The following LARGE1 variants were observed in gnomAD, a reference collection of about 807,000 sequenced individuals.
The protein encoded by LARGE1 is LARGE xylosyl- and glucuronyltransferase 1.
LARGE1 carries 43 observed loss-of-function variants against 87.6 expected under a neutral mutation model. That is an observed-to-expected ratio of 0.49 (90% CI 0.38 to 0.63). LARGE1 has a LOEUF of 0.63. LARGE1 is among the 30% of genes least tolerant of loss of function. The pLI is 0.00. For synonymous variants in LARGE1, 434 were observed against 394.6 expected (o/e 1.10, Z -1.18); for missense variants, 802 against 1,000.2 (o/e 0.80, Z 2.67).
At chr22:33,102,335 A>AT in the LARGE1 span, among the ~76,000 whole-genome samples, 978 of 142,332 alleles carry the variant, frequency 6.9e-3, 6 homozygotes, top group African/African-American at 0.023. Context: ...TGCCCAGCTA[A>AT]TTTTTTTTTG....
chr22:33,226,711 A>G (rs1329503119), intron 11 of LARGE1, among the ~76,000 whole-genome samples: 1 of 145,606 alleles, frequency 6.9e-6, no homozygotes, highest in Non-Finnish European at 1.5e-5. Flanking sequence ...CCTTTAAATT[A>G]TTATTATTAT....
At chr22:33,338,407 C>T (rs4560231) in intron 9 of LARGE1, among the ~76,000 whole-genome samples, 19,931 of 151,980 alleles carry the variant, frequency 0.13, 2,699 homozygotes, top group African/African-American at 0.35. Context: ...CCTCTGGAAT[C>T]GGTTGGTGAT....
intron 6 of LARGE1, among the ~76,000 whole-genome samples, chr22:33,527,528 G>A (rs2071974384): frequency 1.3e-5 from 2 of 152,100 alleles, no homozygotes; most frequent in Admixed American, 1.3e-4. Flanking sequence ...TCAGTTCAGA[G>A]GCTCTCTCAA....
chr22:33,267,043 C>G (rs12159268), intron 11 of LARGE1, among the ~76,000 whole-genome samples: 1,872 of 151,632 alleles, frequency 0.012, 106 homozygotes, highest in African/African-American at 0.043. Context: ...AGTTCGAGAC[C>G]AGCCTGGCCA....
chr22:33,388,974 C>T (rs926754528), intron 7 of LARGE1, among the ~76,000 whole-genome samples: 2 of 152,186 alleles, frequency 1.3e-5, no homozygotes, highest in African/African-American at 4.8e-5. Context: ...AAGACACGTA[C>T]ATCATTAGGA....
At chr22:33,899,861 T>C (rs1264727895) in intron 1 of LARGE1, among the ~76,000 whole-genome samples, 1 of 152,230 alleles carries the variant, frequency 6.6e-6, no homozygotes, top group African/African-American at 2.4e-5. Flanking sequence ...CAGATGTATA[T>C]ATTCAGACAG....
At chr22:33,085,026 A>G in the LARGE1 span, among the ~76,000 whole-genome samples, 1 of 152,396 alleles carries the variant, frequency 6.6e-6, no homozygotes, top group East Asian at 1.9e-4. Context: ...CTGTAATCCC[A>G]GCACTTTGGG....
intron 1 of LARGE1, among the ~76,000 whole-genome samples, chr22:33,805,713 G>A (rs940150792): frequency 8.6e-5 from 13 of 151,702 alleles, no homozygotes; most frequent in Middle Eastern, 3.4e-3. Flanking sequence ...CAGCCTGGGC[G>A]ACAGAGCAAG....
chr22:33,581,034 G>A (rs988396192), intron 5 of LARGE1, among the ~76,000 whole-genome samples: 6 of 152,168 alleles, frequency 3.9e-5, no homozygotes, highest in Admixed American at 3.3e-4. Flanking sequence ...TGCATGTGCA[G>A]CATTTTCTCA....
intron 11 of LARGE1, among the ~76,000 whole-genome samples, chr22:33,228,223 A>G (rs920354890): frequency 2.6e-5 from 4 of 152,276 alleles, no homozygotes; most frequent in South Asian, 4.1e-4. Context: ...TAAGAGCTCA[A>G]TGAATGTTCT....
intron 5 of LARGE1, among the ~76,000 whole-genome samples, chr22:33,568,466 A>C (rs796649799): frequency 1.1e-4 from 17 of 152,210 alleles, no homozygotes; most frequent in African/African-American, 4.1e-4. Context: ...ACAACAACAA[A>C]ATCAAAGCAC....
intron 1 of LARGE1, among the ~76,000 whole-genome samples, chr22:33,785,222 TATATGTGTATACATAC>T (rs1363556840): frequency 6.7e-6 from 1 of 148,766 alleles, no homozygotes; most frequent in African/African-American, 2.6e-5. Flanking sequence ...TGTATATACA[TATATGTGTATACATAC>T]ATATGTGTAT....
chr22:33,886,142 G>C (rs1250843468), intron 1 of LARGE1, among the ~76,000 whole-genome samples: 1 of 152,194 alleles, frequency 6.6e-6, no homozygotes, highest in Admixed American at 6.5e-5. Context: ...CTGAGGTGCA[G>C]GCTAGATCCA....
At chr22:33,285,378 C>A (rs1931327717) in intron 12 of LARGE1, among the ~76,000 whole-genome samples, 1 of 152,198 alleles carries the variant, frequency 6.6e-6, no homozygotes, top group Non-Finnish European at 1.5e-5. Flanking sequence ...GTAATCCCAG[C>A]CCTTCGGGAG....
intron 4 of LARGE1, among the ~76,000 whole-genome samples, chr22:33,611,981 T>A (rs2079442845): frequency 6.6e-6 from 1 of 152,172 alleles, no homozygotes; most frequent in Non-Finnish European, 1.5e-5. Context: ...CCTTCTGACA[T>A]AAGTAAATGC....
intron 2 of LARGE1, among the ~76,000 whole-genome samples, chr22:33,656,701 C>T (rs190195043): frequency 7.9e-5 from 12 of 152,214 alleles, no homozygotes; most frequent in African/African-American, 2.6e-4. Flanking sequence ...TCATGCAATA[C>T]GTGTGTGTGT....
Position 33,453,248 on chromosome 22 carries a change from C to T in LARGE1, c.788-20983G>A, listed in dbSNP as rs533813367. ...TGGCCAATATGGTGAAACCCCATCT[C>T]TACTAAAAATACAAAAATTAGCTGG... On this transcript the variant is annotated intron_variant, in intron 6 of 14. Coordinates refer to ENST00000397394, the MANE Select transcript of LARGE1 (RefSeq NM_133642.5). Among the ~76,000 whole-genome samples the T allele has an allele frequency of 9.2e-5, 14 of 152,184 alleles. No homozygotes were observed. In the South Asian group the frequency reaches 2.9e-3, roughly 32 times the overall value.
rs555975090 is a variant in LARGE1, at chr22:33,262,948, A to T, written c.1730+41281T>A. On this transcript the variant is annotated intron_variant, in intron 11 of 11. Transcript: ENST00000608642. ...CACACTGTTGCCCAGGTTGGACTGC[A>T]GTGGACTGATCTCAGCTCACTGAAA... Among the ~76,000 whole-genome samples the T allele has an allele frequency of 2.6e-3, 389 of 150,328 alleles. 3 individuals are homozygous for T. Among genetic ancestry groups the T allele is most frequent in the African/African-American group, 9.2e-3 (376 of 40,872 alleles).
intron 7 of LARGE1, among the ~76,000 whole-genome samples, chr22:33,413,631 A>G (rs1363929485): frequency 6.6e-6 from 1 of 151,656 alleles, no homozygotes; most frequent in Non-Finnish European, 1.5e-5. Context: ...TGCCCGGCTA[A>G]TTTTTTTGTA....
Sources: gnomAD v4.1 joint callset for allele counts (sites outside exome capture counted in the v4.1 genomes callset) on GRCh38, gnomAD v4.1.1 for gene constraint, MANE v1.5 for transcripts, NCBI Gene and HGNC (gene_info 2026-07-23, HGNC 2026-07-21) for gene names.